BRCA2: variants seen among roughly 807,000 people sequenced by gnomAD.
The protein encoded by BRCA2 is breast cancer type 2 susceptibility protein.
BRCA2 carries 203 observed loss-of-function variants against 276.7 expected under a neutral mutation model. The observed-to-expected ratio is 0.73, with a 90% CI of 0.65 to 0.82. The LOEUF is 0.82. Ranked by LOEUF, BRCA2 falls within the 40% of genes least tolerant of loss-of-function variation. BRCA2 has a pLI of 0.00. For missense variants in BRCA2, 3,920 were observed against 3,915.0 expected, an observed-to-expected ratio of 1.00 and a Z score of -0.03; for synonymous variants, 1,289 against 1,338.4, an observed-to-expected ratio of 0.96 and a Z score of 0.81.
At chr13:32,327,341 G>A (rs963586764) in intron 7 of BRCA2, among the ~76,000 whole-genome samples, 3 of 152,048 alleles carry the variant, frequency 2.0e-5, no homozygotes, top group African/African-American at 7.2e-5. Flanking sequence ...CCAGCTACCT[G>A]GGGGCTGAGG....
chr13:32,390,701 A>G (rs1246938903), intron 24 of BRCA2, among the ~76,000 whole-genome samples: 1 of 152,144 alleles, frequency 6.6e-6, no homozygotes, highest in Non-Finnish European at 1.5e-5. Context: ...CTGTTTCAGC[A>G]CTTGTCACAT....
In BRCA2 at chr13:32,340,741, A is replaced by T. The variant is rs1566234469; in HGVS notation, c.6386A>T (p.Glu2129Val). The T allele has an allele frequency of 6.2e-7, 1 of 1,605,912 alleles. No individual in the cohort carries two copies. ...NSEMEKTCSK[E>V]FKLSNNLNVE... The stretch of plus-strand genomic sequence containing the variant: ...GAAATGGAAAAAACCTGCAGTAAAG[A>T]ATTTAAATTATCAAATAACTTAAAT... Residue 2129 changes from glutamate (E) to valine (V), a missense_variant, in exon 11 of 27, where the codon GAA becomes GTA. Physicochemically the swap from Glu to Val is moderately radical, Grantham distance 121. Around this residue, in one of 2 missense-constraint regions of BRCA2, gnomAD observed 3,263 missense variants for 3,156.9 expected, o/e 1.03. Transcript: ENST00000380152.
intron 24 of BRCA2, among the ~76,000 whole-genome samples, chr13:32,388,748 G>T (rs1489444731): frequency 6.6e-6 from 1 of 151,490 alleles, no homozygotes; most frequent in Non-Finnish European, 1.5e-5. Context: ...AATGTTTGCA[G>T]AGTATATCTG....
rs1007336407 is a variant in BRCA2, at chr13:32,336,498, G to A, written c.2143G>A (p.Gly715Arg). Residue 715 changes from glycine to arginine, a missense_variant, in exon 11 of 27, where the codon GGA (glycine) becomes AGA (arginine). By Grantham distance (125) the Gly-to-Arg change is moderately radical (BLOSUM62 -2). Coordinates refer to ENST00000380152, the MANE Select transcript of BRCA2 (RefSeq NM_000059.4). ...TGATTCTCTGTCATGCCTGCAGGAA[G>A]GACAGTGTGAAAATGATCCAAAAAG... The part of the protein sequence containing the change: ...EADSLSCLQE[G>R]QCENDPKSKK... 1 of 1,614,042 alleles carries A rather than the reference G, an allele frequency of 6.2e-7. No homozygotes were observed.
Position 32,346,044 on chromosome 13 carries a change from T to G in BRCA2, c.6938-783T>G, listed in dbSNP as rs577645747. ...TCCTTTTTTTCCATTTGTTTTCAAT[T>G]TTAGGATTTGTCTTTTCTTATTTAA... On this transcript the variant is annotated intron_variant, in intron 12 of 26. Transcript: ENST00000380152. Among the ~76,000 whole-genome samples the G allele has an allele frequency of 7.2e-5, 11 of 152,128 alleles. No individual in the cohort carries two copies. In the South Asian group the frequency reaches 2.3e-3, roughly 31 times the overall value.
chr13:32,389,640 A>G (rs966222341), intron 24 of BRCA2, among the ~76,000 whole-genome samples: 1 of 152,210 alleles, frequency 6.6e-6, no homozygotes, highest in African/African-American at 2.4e-5. Context: ...GAAATCTGTC[A>G]TCATTCCAAT....
At position 32,337,318 on chromosome 13, in the gene BRCA2, A is replaced by G. The variant is rs876659509; in HGVS notation, c.2963A>G (p.Asp988Gly). ...NIDKIPEKNN[D>G]YMNKWAGLLG... is the part of the protein sequence containing the mutation. ...GATAAAATACCAGAAAAAAATAATG[A>G]TTACATGAACAAATGGGCAGGACTC... Residue 988 changes from aspartate (D) to glycine (G), a missense_variant, in exon 11 of 27, where the codon GAT becomes GGT. Asp to Gly is a moderately conservative substitution (Grantham distance 94). Coordinates refer to ENST00000380152, the MANE Select transcript of BRCA2 (RefSeq NM_000059.4). The G allele has an allele frequency of 6.2e-7, 1 of 1,613,486 alleles. No homozygotes were observed. The highest frequency in any genetic ancestry group is 1.7e-5 in the Admixed American group (1 of 59,952).
In BRCA2 at chr13:32,394,897, T is replaced by A. The variant is rs766043679; in HGVS notation, c.9465T>A (p.Phe3155Leu). 6.2e-7 allele frequency: 1 copy of A among 1,614,112 alleles called. No individual in the cohort carries two copies. The highest frequency in any genetic ancestry group is 8.5e-7 in the Non-Finnish European group (1 of 1,179,968). ...VFSASPKEGH[F>L]QETFNKMKNT... ...CTGCTAGTCCAAAAGAGGGCCACTT[T>A]CAAGAGACATTCAACAAAATGAAAA... The change falls in exon 25 of 27, where the codon TTT (phenylalanine) becomes TTA (leucine). Residue 3155 changes from phenylalanine (F) to leucine (L), a missense_variant. This residue lies in a region of BRCA2 where 657 missense variants were observed against 758.2 expected (regional missense o/e 0.87). Coordinates refer to ENST00000380152, the MANE Select transcript of BRCA2 (RefSeq NM_000059.4).
rs55824746 is a variant in BRCA2, at chr13:32,336,658, C to T, written c.2303C>T (p.Thr768Ile). Residue 768 changes from threonine (T) to isoleucine (I), a missense_variant, in exon 11 of 27, where the codon ACT (threonine) becomes ATT (isoleucine). By Grantham distance (89) the Thr-to-Ile change is moderately conservative. Coordinates refer to ENST00000380152, the MANE Select transcript of BRCA2 (RefSeq NM_000059.4). The part of the protein sequence containing the change: ...SLLYDHENAS[T>I]LILTPTSKDV... ...TTATATGATCATGAAAATGCCAGCA[C>T]TCTTATTTTAACTCCTACTTCCAAG... is the stretch of plus-strand genomic sequence containing the variant. 1.2e-6 allele frequency: 2 copies of T among 1,613,944 alleles called. No individual in the cohort carries two copies. Among genetic ancestry groups the T allele is most frequent in the Non-Finnish European group, 1.7e-6 (2 of 1,179,892 alleles).
At chr13:32,331,741 G>A (rs1258984269) in intron 9 of BRCA2, among the ~76,000 whole-genome samples, 3 of 151,564 alleles carry the variant, frequency 2.0e-5, no homozygotes, top group Non-Finnish European at 4.4e-5. Flanking sequence ...GAAAGTAAAT[G>A]TGGTTTAGAT....
intron 16 of BRCA2, among the ~76,000 whole-genome samples, chr13:32,360,689 G>C (rs910680027): frequency 5.9e-5 from 9 of 152,086 alleles, no homozygotes; most frequent in African/African-American, 2.2e-4. Flanking sequence ...AAATAATTCT[G>C]GCTGTTTGTT....
In BRCA2 at chr13:32,336,698, C is replaced by A. The variant is rs876660253; in HGVS notation, c.2343C>A (p.Asn781Lys). 1 of 1,613,700 alleles carries A rather than the reference C, an allele frequency of 6.2e-7. No homozygotes were observed. Among genetic ancestry groups the A allele is most frequent in the Non-Finnish European group, 8.5e-7 (1 of 1,179,848 alleles). ...LTPTSKDVLS[N>K]LVMISRGKES... ...CTACTTCCAAGGATGTTCTGTCAAA[C>A]CTAGTCATGATTTCTAGAGGCAAAG... The change falls in exon 11 of 27, where the codon AAC (asparagine) becomes AAA (lysine). Residue 781 changes from asparagine to lysine, a missense_variant. Coordinates refer to ENST00000380152, the MANE Select transcript of BRCA2 (RefSeq NM_000059.4).
At chr13:32,323,432 C>T (rs1185616665) in intron 3 of BRCA2, among the ~76,000 whole-genome samples, 5 of 152,258 alleles carry the variant, frequency 3.3e-5, no homozygotes, top group Non-Finnish European at 5.9e-5. Context: ...GGATTACAGG[C>T]GTGAGCCATC....
At chr13:32,397,641 T>G (rs1363738904) in intron 26 of BRCA2, among the ~76,000 whole-genome samples, 1 of 152,186 alleles carries the variant, frequency 6.6e-6, no homozygotes, top group Non-Finnish European at 1.5e-5. Flanking sequence ...AGACCTGCTA[T>G]ACATTGTTTG....
At chr13:32,375,510 C>T (rs2072865025) in intron 20 of BRCA2, 1 of 299,326 alleles carries the variant, frequency 3.3e-6, no homozygotes. Context: ...ATTCACTTTA[C>T]CCATATCTAT....
Position 32,338,450 on chromosome 13 carries a change from T to C in BRCA2, c.4095T>C (p.Cys1365=). ...TATTTACTGATCAGCACAACATATG[T>C]CTTAAATTATCTGGCCAGTTTATGA... ...DLLFTDQHNI[C]LKLSGQFMKE... Residue 1365 remains cysteine, a synonymous_variant, in exon 11 of 27, where the codon TGT becomes TGC. Coordinates refer to ENST00000380152, the MANE Select transcript of BRCA2 (RefSeq NM_000059.4). 6.2e-7 allele frequency: 1 copy of C among 1,611,868 alleles called. No individual in the cohort carries two copies. The highest frequency in any genetic ancestry group is 8.5e-7 in the Non-Finnish European group (1 of 1,179,326).
intron 16 of BRCA2, among the ~76,000 whole-genome samples, chr13:32,359,433 G>C (rs1378189116): frequency 6.6e-6 from 1 of 151,928 alleles, no homozygotes. Flanking sequence ...CAACAATTTA[G>C]AAACTATATA....
intron 24 of BRCA2, among the ~76,000 whole-genome samples, chr13:32,393,642 C>CT (rs891316738): frequency 1.3e-3 from 194 of 151,838 alleles, no homozygotes; most frequent in African/African-American, 4.3e-3. Flanking sequence ...CTCTTGGCTT[C>CT]TTTTTTTTAG....
chr13:32,362,938 A>G (rs1015566943), intron 17 of BRCA2, among the ~76,000 whole-genome samples: 3 of 152,006 alleles, frequency 2.0e-5, no homozygotes, highest in African/African-American at 7.3e-5. Flanking sequence ...AATATGAGTT[A>G]CTAATTTGAT....
Sources: gnomAD v4.1 joint callset for allele counts (sites outside exome capture counted in the v4.1 genomes callset) on GRCh38, gnomAD v4.1.1 for gene constraint, gnomAD v4.1.1 regional missense constraint, MANE v1.5 for transcripts, NCBI Gene and HGNC (gene_info 2026-07-23, HGNC 2026-07-21) for gene names.